The following STK3 variants were observed in gnomAD, a reference collection of about 807,000 sequenced individuals.
STK3 encodes serine/threonine-protein kinase 3.
STK3 carries 41 observed loss-of-function variants against 58.0 expected under a neutral mutation model. The observed-to-expected ratio is 0.71, with a 90% confidence interval of 0.55 to 0.92. The LOEUF (loss-of-function observed/expected upper bound fraction) is 0.92, where lower values mean the gene tolerates loss of function less well. Among genes scored for constraint, STK3 ranks in the 40% least tolerant of loss-of-function variants. The pLI, the probability that STK3 is intolerant of heterozygous loss-of-function variation, is 0.00. For missense variants in STK3, 479 were observed against 602.7 expected, an observed-to-expected ratio of 0.79 and a Z score of 2.15; for synonymous variants, 170 against 191.0, an observed-to-expected ratio of 0.89 and a Z score of 0.91.
intron 7 of STK3, among the ~76,000 whole-genome samples, chr8:98,592,736 T>A (rs1188973153): frequency 8.4e-4 from 75 of 89,004 alleles, no homozygotes; most frequent in East Asian, 4.5e-3. Flanking sequence ...TGACTTACTT[T>A]ATTTATTTAT....
intron 5 of STK3, 124 bp from the exon 6 acceptor site, chr8:98,706,758 T>A: frequency 8.7e-7 from 1 of 1,145,838 alleles, no homozygotes; most frequent in Non-Finnish European, 1.2e-6. Flanking sequence ...AATTGACTAT[T>A]TTGCTAAAAT....
At chr8:98,504,453 G>GCC (rs1429183626) in intron 10 of STK3, among the ~76,000 whole-genome samples, 2 of 152,152 alleles carry the variant, frequency 1.3e-5, no homozygotes, top group Non-Finnish European at 2.9e-5. Flanking sequence ...TGGTCATTTT[G>GCC]CCCGTTAGTT....
chr8:98,645,197 T>C (rs917834497), intron 6 of STK3, among the ~76,000 whole-genome samples: 5 of 152,198 alleles, frequency 3.3e-5, no homozygotes, highest in African/African-American at 9.6e-5. Flanking sequence ...ACGAGACTCA[T>C]TTAAACAGCA....
rs1453774616 is a variant in STK3, at chr8:98,544,929, C to A, written c.1141+3040G>T. 2.0e-5 allele frequency among the ~76,000 whole-genome samples: 3 copies of A among 152,104 alleles called. No individual in the cohort carries two copies. The East Asian group carries it at 5.8e-4, about 29-fold the overall frequency. On this transcript the variant is annotated intron_variant, in intron 9 of 10. Coordinates refer to ENST00000419617, the MANE Select transcript of STK3 (RefSeq NM_006281.4). ...TTCCCTCCAGGGCAACTAGTGCTACCAATCTAGCCACAGCTCTGTAAGATC... is the reference window on the plus strand; with the variant it reads ...TTCCCTCCAGGGCAACTAGTGCTACAAATCTAGCCACAGCTCTGTAAGATC...
At chr8:98,853,520 A>T (rs1055485597) in intron 3 of STK3, among the ~76,000 whole-genome samples, 2 of 151,996 alleles carry the variant, frequency 1.3e-5, no homozygotes, top group Non-Finnish European at 2.9e-5. Context: ...CTAGTTTCCC[A>T]CTGGCTCTAT....
At chr8:98,791,478 C>T (rs190623247) in intron 1 of STK3, among the ~76,000 whole-genome samples, 226 of 152,196 alleles carry the variant, frequency 1.5e-3, no homozygotes, top group Non-Finnish European at 9.0e-4. Context: ...AATCCTAAAA[C>T]TCATATGGAA....
chr8:98,858,484 C>A (rs1191295071), intron 3 of STK3, among the ~76,000 whole-genome samples: 2 of 147,638 alleles, frequency 1.4e-5, no homozygotes, highest in Non-Finnish European at 3.0e-5. Flanking sequence ...TTTTTTTAAA[C>A]TCTCTCTTGT....
chr8:98,840,378 C>G (rs1835924338), intron 3 of STK3, among the ~76,000 whole-genome samples: 1 of 144,980 alleles, frequency 6.9e-6, no homozygotes, highest in South Asian at 2.2e-4. Context: ...AAAAGACCAG[C>G]CTCGGCAACA....
At chr8:98,418,355 G>A (rs372927128) in intron 3 of STK3, among the ~76,000 whole-genome samples, 12 of 152,226 alleles carry the variant, frequency 7.9e-5, no homozygotes, top group African/African-American at 2.7e-4. Context: ...AGCTGTCATG[G>A]GGAATAGCCT....
intron 6 of STK3, among the ~76,000 whole-genome samples, chr8:98,669,611 T>C (rs1244854612): frequency 3.9e-5 from 6 of 152,204 alleles, no homozygotes; most frequent in African/African-American, 1.2e-4. Flanking sequence ...TGTTCTAACA[T>C]GTTCTCTTAG....
intron 3 of STK3, among the ~76,000 whole-genome samples, chr8:98,408,594 A>G (rs1005732068): frequency 1.3e-5 from 2 of 152,224 alleles, no homozygotes; most frequent in African/African-American, 4.8e-5. Flanking sequence ...CTCAATGATT[A>G]AAATATACTC....
At chr8:98,903,556 CCTTTTT>C (rs1473640664) in intron 1 of STK3, among the ~76,000 whole-genome samples, 14 of 50,518 alleles carry the variant, frequency 2.8e-4, no homozygotes, top group Admixed American at 7.7e-4. Flanking sequence ...TCTTCTTCTT[CCTTTTT>C]TTTTTTTTAA....
chr8:98,495,704 C>T (rs1823076732), intron 10 of STK3, among the ~76,000 whole-genome samples: 2 of 152,134 alleles, frequency 1.3e-5, no homozygotes, highest in African/African-American at 4.8e-5. Flanking sequence ...CATGCAATAG[C>T]AATTTTCCAA....
At chr8:98,785,505 A>G (rs1299190674) in intron 1 of STK3, among the ~76,000 whole-genome samples, 3 of 152,076 alleles carry the variant, frequency 2.0e-5, no homozygotes, top group African/African-American at 7.2e-5. Flanking sequence ...TTGCCACTGG[A>G]GGGTCTGGCG....
chr8:98,546,452 GAGCTCAGT>G (rs1277068115), intron 9 of STK3, among the ~76,000 whole-genome samples: 1 of 151,988 alleles, frequency 6.6e-6, no homozygotes, highest in Non-Finnish European at 1.5e-5. Context: ...GTTTCATAAG[GAGCTCAGT>G]AACTCCCTAA....
At chr8:98,828,948 G>A (rs1387748622), upstream of STK3, among the ~76,000 whole-genome samples, 1 of 152,180 alleles carries the variant, frequency 6.6e-6, no homozygotes, top group Non-Finnish European at 1.5e-5. Flanking sequence ...AATCGTAAGG[G>A]CACTGGGCTG....
intron 10 of STK3, among the ~76,000 whole-genome samples, chr8:98,457,256 A>T (rs75651212): frequency 0.026 from 3,952 of 152,366 alleles, 82 homozygotes; most frequent in Non-Finnish European, 0.037. Context: ...CCAAGTAGTG[A>T]TCTTGCATCT....
intron 3 of STK3, among the ~76,000 whole-genome samples, chr8:98,868,103 A>G (rs940999327): frequency 2.0e-5 from 3 of 152,188 alleles, no homozygotes; most frequent in African/African-American, 7.2e-5. Context: ...CTCCTGAAAT[A>G]CGAAAGGGAA....
downstream of STK3, among the ~76,000 whole-genome samples, chr8:98,367,502 C>T (rs1817575397): frequency 6.6e-6 from 1 of 152,250 alleles, no homozygotes; most frequent in African/African-American, 2.4e-5. Context: ...TGCTGAACCT[C>T]AGAGGCTGCA....
Sources: allele counts gnomAD v4.1 joint callset (sites outside exome capture counted in the v4.1 genomes callset), GRCh38; gene constraint gnomAD v4.1.1; transcripts MANE v1.5; gene names NCBI Gene and HGNC (gene_info 2026-07-23, HGNC 2026-07-21).